PIGL: variants seen among roughly 807,000 people sequenced by gnomAD.
PIGL encodes phosphatidylinositol glycan anchor biosynthesis class L, also known as N-acetylglucosaminyl-phosphatidylinositol de-N-acetylase.
PIGL carries 22 observed loss-of-function variants against 31.1 expected under a neutral mutation model. That is an observed-to-expected ratio of 0.71 (90% CI 0.51 to 1.01). The LOEUF (loss-of-function observed/expected upper bound fraction) is 1.01. PIGL is among the 50% of genes least tolerant of loss of function. The pLI is 0.00. For synonymous variants in PIGL, 131 were observed against 117.4 expected, an observed-to-expected ratio of 1.12 and a Z score of -0.75; for missense variants, 302 against 315.9, an observed-to-expected ratio of 0.96 and a Z score of 0.33.
At chr17:16,253,267 A>AAAC (rs780274424) in intron 2 of PIGL, among the ~76,000 whole-genome samples, 2 of 152,108 alleles carry the variant, frequency 1.3e-5, no homozygotes, top group Non-Finnish European at 2.9e-5. Flanking sequence ...AAAAACAAAC[A>AAAC]AACAACAACA....
chr17:16,297,367 C>T (rs138679558), intron 2 of PIGL, among the ~76,000 whole-genome samples: 4 of 152,126 alleles, frequency 2.6e-5, no homozygotes, highest in Admixed American at 2.6e-4. Flanking sequence ...GAACTTCCCC[C>T]TCTTTGAGGT....
At chr17:16,223,222 T>C (rs544681926) in intron 1 of PIGL, among the ~76,000 whole-genome samples, 5 of 152,300 alleles carry the variant, frequency 3.3e-5, no homozygotes, top group African/African-American at 1.2e-4. Flanking sequence ...GCATCTCTTA[T>C]ATAGTAGGAT....
intron 2 of PIGL, among the ~76,000 whole-genome samples, chr17:16,270,583 C>G (rs12951660): frequency 6.6e-6 from 1 of 151,928 alleles, no homozygotes; most frequent in East Asian, 1.9e-4. Flanking sequence ...CAAGCATATG[C>G]TAGATGTTAC....
intron 2 of PIGL, among the ~76,000 whole-genome samples, chr17:16,251,790 T>C (rs2092773050): frequency 6.6e-6 from 1 of 151,794 alleles, no homozygotes; most frequent in African/African-American, 2.4e-5. Context: ...GTATAGGAAA[T>C]GAATAATAGG....
At chr17:16,285,516 C>T (rs2092933714) in intron 2 of PIGL, among the ~76,000 whole-genome samples, 1 of 151,790 alleles carries the variant, frequency 6.6e-6, no homozygotes, top group Non-Finnish European at 1.5e-5. Context: ...ACCCGGGCGG[C>T]AGAGGTTGCG....
At chr17:16,270,058 G>A (rs58069228) in intron 2 of PIGL, among the ~76,000 whole-genome samples, 7,375 of 151,622 alleles carry the variant, frequency 0.049, 609 homozygotes, top group African/African-American at 0.17. Context: ...AGGCCGAGGC[G>A]GGCAGATCAC....
At chr17:16,308,586 G>A (rs1228190910) in intron 3 of PIGL, among the ~76,000 whole-genome samples, 2 of 151,938 alleles carry the variant, frequency 1.3e-5, no homozygotes, top group Non-Finnish European at 2.9e-5. Flanking sequence ...GCACTATTGC[G>A]CATTTGAGAC....
At chr17:16,274,073 C>G (rs7219687) in intron 2 of PIGL, among the ~76,000 whole-genome samples, 82,698 of 151,976 alleles carry the variant, frequency 0.54, 22,984 homozygotes, top group African/African-American at 0.62. Flanking sequence ...CTTCTAGAGT[C>G]TACTTAATCA....
At chr17:16,235,802 T>A (rs1473881491) in intron 2 of PIGL, among the ~76,000 whole-genome samples, 1 of 150,948 alleles carries the variant, frequency 6.6e-6, no homozygotes, top group Non-Finnish European at 1.5e-5. Context: ...GGGTCTAACT[T>A]TTTGGGGGGC....
chr17:16,239,706 T>C (rs1363284599), intron 2 of PIGL, among the ~76,000 whole-genome samples: 1 of 151,912 alleles, frequency 6.6e-6, no homozygotes. Context: ...TGTAGATGAG[T>C]CTATTGTCTT....
chr17:16,296,800 T>A (rs1248219122), intron 2 of PIGL, among the ~76,000 whole-genome samples: 1 of 151,306 alleles, frequency 6.6e-6, no homozygotes, highest in African/African-American at 2.4e-5. Context: ...GACTGCAAGC[T>A]CCACCTCCCA....
intron 1 of PIGL, among the ~76,000 whole-genome samples, chr17:16,225,339 G>A (rs557928008): frequency 8.7e-5 from 13 of 149,964 alleles, no homozygotes; most frequent in Non-Finnish European, 1.8e-4. Context: ...GGGGTGACTC[G>A]GTTCCATGTG....
At chr17:16,298,604 C>G (rs1410916974) in intron 2 of PIGL, among the ~76,000 whole-genome samples, 3 of 152,142 alleles carry the variant, frequency 2.0e-5, no homozygotes, top group Non-Finnish European at 4.4e-5. Flanking sequence ...GCAGCAAGTC[C>G]CAGTCCTGAT....
At chr17:16,307,891 C>T (rs115221407) in intron 3 of PIGL, among the ~76,000 whole-genome samples, 7,187 of 150,348 alleles carry the variant, frequency 0.048, 212 homozygotes, top group African/African-American at 0.088. Flanking sequence ...TTTCAAGGAG[C>T]CCAGGGGTTC....
chr17:16,260,553 T>G (rs2092815037), intron 2 of PIGL, among the ~76,000 whole-genome samples: 1 of 152,078 alleles, frequency 6.6e-6, no homozygotes. Flanking sequence ...AGCTACCCAC[T>G]CCAGGTCTCC....
At chr17:16,242,059 T>A (rs950480932) in intron 2 of PIGL, among the ~76,000 whole-genome samples, 1 of 152,128 alleles carries the variant, frequency 6.6e-6, no homozygotes, top group African/African-American at 2.4e-5. Context: ...CTTTGGGGTT[T>A]TTTTTTGTTT....
chr17:16,302,577 G>A (rs993964276), intron 3 of PIGL, among the ~76,000 whole-genome samples: 1 of 152,044 alleles, frequency 6.6e-6, no homozygotes, highest in Non-Finnish European at 1.5e-5. Flanking sequence ...TGCTCCTGCT[G>A]TAGGGTACTC....
chr17:16,243,718 G>T (rs2092732618), intron 2 of PIGL, among the ~76,000 whole-genome samples: 1 of 152,190 alleles, frequency 6.6e-6, no homozygotes, highest in African/African-American at 2.4e-5. Context: ...TTTCAAAGAT[G>T]ATATCCCACC....
Position 16,259,126 on chromosome 17 carries a change from A to G in PIGL, c.335+25056A>G, listed in dbSNP as rs73978824. Among the ~76,000 whole-genome samples the G allele has an allele frequency of 7.2e-3, 1,096 of 152,266 alleles. 13 individuals are homozygous for G. The highest frequency in any genetic ancestry group is 0.025 in the African/African-American group (1,054 of 41,548). ...TTGCTACATCTACTAGTTTGGTACA[A>G]CTGTTATGATCAGATAGACCTAGTT... is the stretch of plus-strand genomic sequence containing the variant. On this transcript the variant is annotated intron_variant, in intron 2 of 6. Transcript: ENST00000225609.
Sources: gnomAD v4.1 joint callset for allele counts (sites outside exome capture counted in the v4.1 genomes callset) on GRCh38, gnomAD v4.1.1 for gene constraint, MANE v1.5 for transcripts, NCBI Gene and HGNC (gene_info 2026-07-23, HGNC 2026-07-21) for gene names.